Variants in GRIK2 observed in about 807,000 individuals in gnomAD.
GRIK2 encodes glutamate receptor ionotropic, kainate 2.
A neutral mutation model predicts 100.3 loss-of-function variants in GRIK2; 32 were observed. The observed-to-expected ratio is 0.32, with a 90% confidence interval of 0.24 to 0.43. The LOEUF (loss-of-function observed/expected upper bound fraction) is 0.43. Among genes scored for constraint, GRIK2 ranks in the 20% least tolerant of loss-of-function variants. The probability of loss-of-function intolerance (pLI) is 1.00; values close to 1 mark genes in which losing one functional copy is unlikely to be tolerated. For missense variants in GRIK2, 843 were observed against 1,114.9 expected (o/e 0.76, Z 3.47); for synonymous variants, 417 against 389.4 (o/e 1.07, Z -0.83).
At chr6:101,849,803 A>G (rs1387146726) in intron 10 of GRIK2, among the ~76,000 whole-genome samples, 7 of 149,622 alleles carry the variant, frequency 4.7e-5, no homozygotes, top group Non-Finnish European at 3.0e-5. Context: ...TGCTATTTAA[A>G]AAAAGGAGGG....
intron 7 of GRIK2, among the ~76,000 whole-genome samples, chr6:101,740,643 G>C (rs1283361846): frequency 6.6e-6 from 1 of 152,134 alleles, no homozygotes; most frequent in African/African-American, 2.4e-5. Context: ...ATAAAGAAAA[G>C]AGGCTTCTTT....
intron 2 of GRIK2, among the ~76,000 whole-genome samples, chr6:101,542,785 A>G (rs1043981978): frequency 6.6e-6 from 1 of 152,114 alleles, no homozygotes; most frequent in Admixed American, 6.6e-5. Flanking sequence ...TGAAAAATTA[A>G]TGTCTCCATA....
At chr6:101,729,520 G>T (rs904290694) in intron 7 of GRIK2, among the ~76,000 whole-genome samples, 1 of 151,828 alleles carries the variant, frequency 6.6e-6, no homozygotes, top group Non-Finnish European at 1.5e-5. Context: ...ATTGCATATT[G>T]CACATATAGG....
At chr6:102,009,897 T>C (rs906560579) in intron 14 of GRIK2, among the ~76,000 whole-genome samples, 4 of 152,132 alleles carry the variant, frequency 2.6e-5, no homozygotes, top group Non-Finnish European at 4.4e-5. Context: ...TAAAAGATTT[T>C]AGAAACCATG....
chr6:101,968,836 A>G (rs1377368220), intron 14 of GRIK2, among the ~76,000 whole-genome samples: 1 of 152,032 alleles, frequency 6.6e-6, no homozygotes, highest in Non-Finnish European at 1.5e-5. Flanking sequence ...AAATGAGGAT[A>G]CTGTAAACCT....
intron 11 of GRIK2, among the ~76,000 whole-genome samples, chr6:101,880,557 C>T (rs1406515241): frequency 2.0e-5 from 3 of 151,722 alleles, no homozygotes; most frequent in South Asian, 2.1e-4. Flanking sequence ...ATTTCACAGT[C>T]GAGAAAATAG....
chr6:101,985,649 A>G (rs1793978291), intron 14 of GRIK2, among the ~76,000 whole-genome samples: 1 of 151,818 alleles, frequency 6.6e-6, no homozygotes, highest in African/African-American at 2.4e-5. Context: ...AGCCCTTAGT[A>G]ATAGAGGTCA....
At chr6:101,911,604 T>C (rs188092073) in intron 12 of GRIK2, among the ~76,000 whole-genome samples, 1 of 151,580 alleles carries the variant, frequency 6.6e-6, no homozygotes, top group Admixed American at 6.6e-5. Flanking sequence ...GCCGTTCCTT[T>C]ACCTCATATT....
intron 15 of GRIK2, among the ~76,000 whole-genome samples, chr6:102,050,097 G>A (rs1771092522): frequency 6.6e-6 from 1 of 152,058 alleles, no homozygotes; most frequent in Non-Finnish European, 1.5e-5. Context: ...AAAAATGTTG[G>A]CATGTAAAAT....
chr6:101,990,596 G>GT (rs1794299463), intron 14 of GRIK2, among the ~76,000 whole-genome samples: 1 of 151,570 alleles, frequency 6.6e-6, no homozygotes. Context: ...GTAAGTCTGT[G>GT]TGTCATGTCA....
chr6:101,606,374 A>C (rs1178378699), intron 2 of GRIK2, among the ~76,000 whole-genome samples: 2 of 151,946 alleles, frequency 1.3e-5, no homozygotes, highest in Non-Finnish European at 2.9e-5. Flanking sequence ...TTATTCACTG[A>C]TCTGTTAAAT....
At chr6:101,598,443 T>C (rs920194960) in intron 2 of GRIK2, among the ~76,000 whole-genome samples, 2 of 151,576 alleles carry the variant, frequency 1.3e-5, no homozygotes, top group African/African-American at 4.8e-5. Context: ...AACTTACTTT[T>C]CTTTTCCCCA....
intron 7 of GRIK2, among the ~76,000 whole-genome samples, chr6:101,703,438 G>A (rs1347126506): frequency 1.3e-5 from 2 of 151,802 alleles, no homozygotes; most frequent in African/African-American, 4.8e-5. Flanking sequence ...CTTAATTTTG[G>A]TAAGCTTGAA....
At chr6:102,042,946 G>T (rs1018961550) in intron 15 of GRIK2, among the ~76,000 whole-genome samples, 1 of 151,568 alleles carries the variant, frequency 6.6e-6, no homozygotes, top group African/African-American at 2.4e-5. Context: ...ATTACAGGTT[G>T]ATAACATTTT....
intron 4 of GRIK2, among the ~76,000 whole-genome samples, chr6:101,651,622 A>G (rs1376939609): frequency 2.0e-5 from 3 of 152,160 alleles, no homozygotes; most frequent in Non-Finnish European, 4.4e-5. Context: ...GGGATGAGAG[A>G]GTAAGCCATG....
At chr6:101,453,877 T>A (rs940755479) in intron 2 of GRIK2, among the ~76,000 whole-genome samples, 2 of 152,090 alleles carry the variant, frequency 1.3e-5, no homozygotes, top group African/African-American at 2.4e-5. Context: ...AAATGTAGAA[T>A]TGCTAAATTC....
chr6:101,785,621 G>A (rs1234130844), intron 7 of GRIK2, among the ~76,000 whole-genome samples: 1 of 151,908 alleles, frequency 6.6e-6, no homozygotes, highest in Non-Finnish European at 1.5e-5. Context: ...AAAATCAGTA[G>A]ACTATAAATA....
Position 101,762,168 on chromosome 6 carries a change from GTCTCTC to G in GRIK2, c.952-37468_952-37463del, listed in dbSNP as rs372643035. On this transcript the variant is annotated intron_variant, in intron 7 of 16. Transcript: ENST00000369134. ...TTCCTCTTCCTCTGTCTCTGTCTCT[GTCTCTC>G]TCTCTCTCTCTTCTTTCTCAGACAG... is the stretch of plus-strand genomic sequence containing the variant. 1.2e-3 allele frequency among the ~76,000 whole-genome samples: 143 copies of G among 121,884 alleles called. 1 individual carries two copies. The East Asian group carries it at 0.032, about 27-fold the overall frequency. 80.0% of individuals were successfully genotyped at this position (121,884 alleles called of 152,430 possible).
intron 12 of GRIK2, among the ~76,000 whole-genome samples, chr6:101,918,056 G>T (rs1314043065): frequency 6.6e-6 from 1 of 151,388 alleles, no homozygotes; most frequent in Non-Finnish European, 1.5e-5. Flanking sequence ...AATGAGGTGG[G>T]GAATTAATAT....
Sources: gnomAD v4.1 joint callset for allele counts (sites outside exome capture counted in the v4.1 genomes callset) on GRCh38, gnomAD v4.1.1 for gene constraint, MANE v1.5 for transcripts, NCBI Gene and HGNC (gene_info 2026-07-23, HGNC 2026-07-21) for gene names.